TTLL12: variants seen among roughly 807,000 people sequenced by gnomAD.
TTLL12 encodes the protein tubulin tyrosine ligase like 12.
A neutral mutation model predicts 79.6 loss-of-function variants in TTLL12; 77 were observed. The observed-to-expected ratio is 0.97, with a 90% CI of 0.81 to 1.17. The LOEUF (loss-of-function observed/expected upper bound fraction) is 1.17, where lower values mean the gene tolerates loss of function less well. TTLL12 is among the 50% of genes most tolerant of loss of function. TTLL12 has a pLI of 0.00. For synonymous variants in TTLL12, 437 were observed against 376.1 expected (o/e 1.16, Z -1.87); for missense variants, 969 against 895.9 (o/e 1.08, Z -1.04).
At chr22:43,186,535 CTGAAAGAATCCCT>C (rs1281579693) in intron 1 of TTLL12, among the ~76,000 whole-genome samples, 2 of 152,202 alleles carry the variant, frequency 1.3e-5, no homozygotes, top group Non-Finnish European at 2.9e-5. Flanking sequence ...GAGGCAGCGG[CTGAAAGAATCCCT>C]CTGAAGGGAC....
intron 12 of TTLL12, 91 bp downstream of exon 12, chr22:43,169,409 T>C: frequency 1.7e-6 from 2 of 1,147,508 alleles, no homozygotes; most frequent in Non-Finnish European, 1.2e-6. Context: ...TCCCAGCCCA[T>C]GCCAGCAGAG....
intron 1 of TTLL12, among the ~76,000 whole-genome samples, chr22:43,183,582 C>G (rs1328690982): frequency 1.3e-5 from 2 of 152,214 alleles, no homozygotes; most frequent in African/African-American, 4.8e-5. Context: ...CCCAATGCCC[C>G]CCTCACCAGA....
At position 43,181,064 on chromosome 22, in the gene TTLL12, G is replaced by A. The variant is rs1932045407; in HGVS notation, c.348-124C>T. The A allele has an allele frequency of 2.6e-6, 3 of 1,135,680 alleles. No homozygotes were observed. In the Admixed American group the frequency reaches 7.9e-5, roughly 30 times the overall value. The allele number at this position is 1,135,680 out of a possible 1,614,324, so 70.4% of individuals were successfully genotyped here. ...AAGCTTCCTTAGATTTGGTCTACTG[G>A]GTGCCATAGTTATGCCTAGTTTTGG... On this transcript the variant is annotated intron_variant, in intron 2 of 13. Coordinates refer to ENST00000216129, the MANE Select transcript of TTLL12 (RefSeq NM_015140.4).
In TTLL12 at chr22:43,172,529, G is replaced by C; in HGVS notation, c.1367C>G (p.Pro456Arg). 1 of 1,614,058 alleles carries C rather than the reference G, an allele frequency of 6.2e-7. No individual in the cohort carries two copies. Among genetic ancestry groups the C allele is most frequent in the Non-Finnish European group, 8.5e-7 (1 of 1,180,018 alleles). The change falls in exon 10 of 14, where the codon CCC becomes CGC. Residue 456 changes from proline (P) to arginine (R), a missense_variant. Coordinates refer to ENST00000216129, the MANE Select transcript of TTLL12 (RefSeq NM_015140.4). The stretch of plus-strand genomic sequence containing the variant: ...CACGTCTTCTCGAAGGAACAACACG[G>C]GACTTTCGATGTACTTGGACACAAC... ...PKVVSKYIES[P>R]VLFLREDVGK...
intron 1 of TTLL12, among the ~76,000 whole-genome samples, chr22:43,186,315 G>C (rs998128089): frequency 1.3e-5 from 2 of 152,148 alleles, no homozygotes; most frequent in African/African-American, 4.8e-5. Context: ...AGGTGAGCCG[G>C]ATGGGCCGTC....
At position 43,182,976 on chromosome 22, in the gene TTLL12, C is replaced by T; in HGVS notation, c.347+4G>A. On this transcript the variant is annotated splice_donor_region_variant and intron_variant, in intron 2 of 13. Coordinates refer to ENST00000216129, the MANE Select transcript of TTLL12 (RefSeq NM_015140.4). ...TGTGGTGGTGTCTCTGGCCAGGCTC[C>T]TACCTGTTGGGGTGGGCTGCCTGGA... is the stretch of plus-strand genomic sequence containing the variant. The T allele has an allele frequency of 1.2e-6, 2 of 1,612,630 alleles. No homozygotes were observed. The highest frequency in any genetic ancestry group is 1.7e-6 in the Non-Finnish European group (2 of 1,179,010).
At chr22:43,169,415 CA>C in intron 12 of TTLL12, 84 bp downstream of exon 12, 1 of 1,209,902 alleles carries the variant, frequency 8.3e-7, no homozygotes, top group Non-Finnish European at 1.1e-6. Flanking sequence ...CCCATGCCAG[CA>C]GAGAGGGAAG....
rs764076897 is a variant in TTLL12 at position 43,174,484 on chromosome 22, C to G, written c.1034+15G>C. ...CCCTGACTGGGAGGGCCCCTGCGGC[C>G]AGAGGTGCCCTCACCTGTAGTCCTT... On this transcript the variant is annotated intron_variant, in intron 7 of 13. Transcript: ENST00000216129. 1 of 1,594,084 alleles carries G rather than the reference C, an allele frequency of 6.3e-7. No individual in the cohort carries two copies. The highest frequency in any genetic ancestry group is 8.6e-7 in the Non-Finnish European group (1 of 1,166,078).
intron 5 of TTLL12, among the ~76,000 whole-genome samples, chr22:43,179,234 G>T (rs1219087998): frequency 1.3e-5 from 2 of 152,172 alleles, no homozygotes; most frequent in African/African-American, 2.4e-5. Flanking sequence ...TAACTCGCAG[G>T]CCTGCAGAGG....
chr22:43,174,009 C>T (rs763644697), intron 8 of TTLL12, among the ~76,000 whole-genome samples, 183 bp from the exon 9 acceptor site: 3 of 152,070 alleles, frequency 2.0e-5, no homozygotes, highest in Non-Finnish European at 4.4e-5. Flanking sequence ...CAGGCAGCTG[C>T]GCTGCGGTGG....
In TTLL12 at chr22:43,167,243, G is replaced by A. The variant is rs5996283; in HGVS notation, c.*765C>T. The A allele has an allele frequency of 4.6e-4, 241 of 525,252 alleles. 1 individual carries two copies. Among genetic ancestry groups the A allele is most frequent in the African/African-American group, 3.5e-3 (184 of 52,010 alleles). 32.5% of individuals were successfully genotyped at this position (525,252 alleles called of 1,614,324 possible). On this transcript the variant is annotated 3_prime_UTR_variant, in exon 14 of 14. Transcript: ENST00000216129. ...ATCCTGGCCCATCTCACACAAGGGC[G>A]GGACCCCGTGGAGTGCCCGGCGAGC... is the stretch of plus-strand genomic sequence containing the variant.
chr22:43,179,597 G>A (rs1931999521), intron 5 of TTLL12, 22 bp downstream of exon 5: 5 of 1,555,826 alleles, frequency 3.2e-6, no homozygotes, highest in Middle Eastern at 1.8e-4. Context: ...AGACAGGCCT[G>A]GTGGGTGGAG....
chr22:43,178,584 G>C (rs993865889), intron 5 of TTLL12, among the ~76,000 whole-genome samples: 1 of 152,134 alleles, frequency 6.6e-6, no homozygotes, highest in Non-Finnish European at 1.5e-5. Flanking sequence ...GCCTCCCAAA[G>C]TGCTGGGATT....
intron 5 of TTLL12, 73 bp from the exon 6 acceptor site, chr22:43,176,469 TC>T: frequency 8.0e-7 from 1 of 1,252,988 alleles, no homozygotes; most frequent in Non-Finnish European, 1.1e-6. Flanking sequence ...GTGGCTCATG[TC>T]CATAATCCCA....
chr22:43,168,428 T>TAA (rs5845587), intron 13 of TTLL12, among the ~76,000 whole-genome samples: 53,664 of 146,574 alleles, frequency 0.37, 10,029 homozygotes, highest in Middle Eastern at 0.43. Context: ...TTCAGTTTAG[T>TAA]AAAAAAAAAA....
At position 43,172,467 on chromosome 22, in the gene TTLL12, G is replaced by T. The variant is rs749772478; in HGVS notation, c.1429C>A (p.Leu477Met). 3.1e-6 allele frequency: 5 copies of T among 1,614,202 alleles called. No individual in the cohort carries two copies. In the East Asian group the frequency reaches 1.1e-4, roughly 36 times the overall value. ...VKFDIRYIVL[L>M]RSVRPLRLFV... ...AACCGTAGGGGCCTCACTGACCGCA[G>T]CAGCACGATGTAGCGGATGTCGAAC... The change falls in exon 10 of 14, where the codon CTG becomes ATG. Residue 477 changes from leucine to methionine, a missense_variant. By Grantham distance (15) the Leu-to-Met change is conservative (BLOSUM62 2). Coordinates refer to ENST00000216129, the MANE Select transcript of TTLL12 (RefSeq NM_015140.4).
chr22:43,180,153 G>A (rs1569486319), intron 3 of TTLL12, among the ~76,000 whole-genome samples, 153 bp from the exon 4 acceptor site: 1 of 152,120 alleles, frequency 6.6e-6, no homozygotes, highest in Non-Finnish European at 1.5e-5. Context: ...TAAGCTAGGG[G>A]CTCCGGGACA....
At chr22:43,183,215 T>C in intron 1 of TTLL12, 66 bp from the exon 2 acceptor site, 3 of 1,583,150 alleles carry the variant, frequency 1.9e-6, no homozygotes, top group Non-Finnish European at 2.6e-6. Context: ...CCTTCACCAC[T>C]CCAGAAAGCC....
chr22:43,171,907 G>A lies in TTLL12; in HGVS notation c.1494-7C>T. 1.9e-6 allele frequency: 3 copies of A among 1,613,842 alleles called. No individual in the cohort carries two copies. Among genetic ancestry groups the A allele is most frequent in the Non-Finnish European group, 1.7e-6 (2 of 1,179,816 alleles). ...GTCGTTGAGTGCAAAGGCCCTGGAA[G>A]ACAAGTGTGCAGACACATATGGGTT... On this transcript the variant is annotated splice_region_variant and splice_polypyrimidine_tract_variant and intron_variant, in intron 10 of 13. Transcript: ENST00000216129.
Sources: allele counts gnomAD v4.1 joint callset (sites outside exome capture counted in the v4.1 genomes callset), GRCh38; gene constraint gnomAD v4.1.1; transcripts MANE v1.5; gene names NCBI Gene and HGNC (gene_info 2026-07-23, HGNC 2026-07-21).